Variants in TMEM18 observed in about 807,000 individuals in gnomAD.
The protein encoded by TMEM18 is transmembrane protein 18.
TMEM18 carries 14 observed loss-of-function variants against 17.4 expected under a neutral mutation model. The observed-to-expected ratio is 0.80, with a 90% CI of 0.53 to 1.25. TMEM18 has a LOEUF of 1.25. TMEM18 is among the 50% of genes most tolerant of loss of function. TMEM18 has a pLI of 0.00. For synonymous variants in TMEM18, 86 were observed against 66.1 expected, an observed-to-expected ratio of 1.30 and a Z score of -1.46; for missense variants, 187 against 172.1, an observed-to-expected ratio of 1.09 and a Z score of -0.48.
chr2:671,129 T>A (rs928988814), intron 3 of TMEM18, among the ~76,000 whole-genome samples: 1 of 152,030 alleles, frequency 6.6e-6, no homozygotes, highest in Non-Finnish European at 1.5e-5. Context: ...TTTGAGATGT[T>A]TGTTAGACGT....
chr2:675,850 A>T, intron 1 of TMEM18: 1 of 1,514,700 alleles, frequency 6.6e-7, no homozygotes, highest in African/African-American at 1.4e-5. Flanking sequence ...TTCTCCCCTC[A>T]GTGCAACTAT....
intron 1 of TMEM18, 192 bp downstream of exon 1, chr2:677,097 A>AGC: frequency 1.7e-6 from 1 of 588,698 alleles, no homozygotes; most frequent in Non-Finnish European, 2.8e-6. Context: ...CCCCGCCCAC[A>AGC]GCGCGCGCCC....
intron 2 of TMEM18, among the ~76,000 whole-genome samples, chr2:673,281 A>G (rs1374171282): frequency 6.6e-6 from 1 of 152,182 alleles, no homozygotes; most frequent in East Asian, 1.9e-4. Context: ...TCACGCTCAC[A>G]CTTCCCGGGC....
At chr2:673,919 T>C (rs1678928101) in intron 2 of TMEM18, among the ~76,000 whole-genome samples, 2 of 149,326 alleles carry the variant, frequency 1.3e-5, no homozygotes, top group African/African-American at 2.5e-5. Flanking sequence ...GGGAGGGTGG[T>C]AGGCACGGGA....
In TMEM18 at chr2:669,575, G is replaced by A; in HGVS notation, c.*5C>T. On this transcript the variant is annotated 3_prime_UTR_variant, in exon 5 of 5. Transcript: ENST00000281017. The stretch of plus-strand genomic sequence containing the variant: ...AGGACGCAAACTCCAAGCAGCTGCT[G>A]CCCCTCAGTCTTCTTTCCTTCTCCT... The A allele has an allele frequency of 6.2e-7, 1 of 1,614,082 alleles. No individual in the cohort carries two copies.
chr2:676,934 A>AGCCCGG (rs1659261813), intron 1 of TMEM18: 1 of 464,604 alleles, frequency 2.2e-6, no homozygotes, highest in Non-Finnish European at 3.8e-6. Flanking sequence ...GCCCAGCCCA[A>AGCCCGG]GCCCGGGCCA....
intron 2 of TMEM18, among the ~76,000 whole-genome samples, chr2:673,862 G>A (rs898348238): frequency 6.6e-6 from 1 of 151,780 alleles, no homozygotes; most frequent in Non-Finnish European, 1.5e-5. Context: ...GGTGGGCATG[G>A]GTGCGGGGAG....
intron 1 of TMEM18, 181 bp from the exon 2 acceptor site, chr2:675,811 G>T: frequency 6.5e-7 from 1 of 1,530,312 alleles, no homozygotes; most frequent in Non-Finnish European, 8.7e-7. Context: ...ACAGGAAAGG[G>T]AGAAGGAACC....
chr2:672,741 C>T (rs562894186), intron 3 of TMEM18, 67 bp downstream of exon 3: 377 of 1,352,922 alleles, frequency 2.8e-4, no homozygotes, highest in Admixed American at 3.6e-4. Flanking sequence ...CGAGTCCCAC[C>T]GGCTGTGGGG....
intron 2 of TMEM18, among the ~76,000 whole-genome samples, chr2:674,846 G>A (rs566562509): frequency 7.9e-5 from 12 of 152,212 alleles, no homozygotes; most frequent in Non-Finnish European, 1.5e-4. Flanking sequence ...ACACGTGTTC[G>A]TAACGCTCAG....
At chr2:675,447 G>A in intron 2 of TMEM18, 63 bp downstream of exon 2, 1 of 1,610,268 alleles carries the variant, frequency 6.2e-7, no homozygotes, top group Non-Finnish European at 8.5e-7. Context: ...GACACAGACA[G>A]AACATACACA....
At position 664,301 on chromosome 2, in the gene TMEM18, T is replaced by C. The variant is rs973030919; in HGVS notation, c.*5279A>G. On this transcript the variant is annotated 3_prime_UTR_variant, in exon 5 of 5. Coordinates refer to ENST00000281017, the MANE Select transcript of TMEM18 (RefSeq NM_152834.4). Reference sequence around the variant, plus strand: ...GAGGTGGAACCTCAGCTCTTCACAGTTCCTGATGATACATAAAGCAAAAAA... The same window carrying C: ...GAGGTGGAACCTCAGCTCTTCACAGCTCCTGATGATACATAAAGCAAAAAA... Among the ~76,000 whole-genome samples, 2 of 152,222 alleles carry C rather than the reference T, an allele frequency of 1.3e-5. No homozygotes were observed. The highest frequency in any genetic ancestry group is 2.4e-5 in the African/African-American group (1 of 41,446).
At position 672,801 on chromosome 2, in the gene TMEM18, G is replaced by C; in HGVS notation, c.233+7C>G. 2 of 1,466,734 alleles carry C rather than the reference G, an allele frequency of 1.4e-6. No homozygotes were observed. The highest frequency in any genetic ancestry group is 1.8e-6 in the Non-Finnish European group (2 of 1,111,636). The allele number at this position is 1,466,734 out of a possible 1,614,324, so 90.9% of individuals were successfully genotyped here. On this transcript the variant is annotated splice_region_variant and intron_variant, in intron 3 of 4. Transcript: ENST00000281017. Reference sequence around the variant, plus strand: ...GGACCTGGTCACAGGCCCGGGGGTGGGCTCACCTCCAGTTCATCGCAGCCG... The same window carrying C: ...GGACCTGGTCACAGGCCCGGGGGTGCGCTCACCTCCAGTTCATCGCAGCCG...
chr2:676,194 TG>T, intron 1 of TMEM18: 1 of 1,358,982 alleles, frequency 7.4e-7, no homozygotes, highest in Non-Finnish European at 9.8e-7. Context: ...CTCCAGACAG[TG>T]CCGCACTCCG....
At position 677,395 on chromosome 2, in the gene TMEM18, G is replaced by A; in HGVS notation, c.-50C>T. On this transcript the variant is annotated 5_prime_UTR_variant, in exon 1 of 5. Transcript: ENST00000281017. ...GCAACCGCCGAACCCGGCCTGGCCAGAATCCACAGAGGAGGGCGCCAAATC... is the reference window on the plus strand; with the variant it reads ...GCAACCGCCGAACCCGGCCTGGCCAAAATCCACAGAGGAGGGCGCCAAATC... 6.3e-7 allele frequency: 1 copy of A among 1,596,842 alleles called. No individual in the cohort carries two copies. Among genetic ancestry groups the A allele is most frequent in the Non-Finnish European group, 8.5e-7 (1 of 1,173,044 alleles).
intron 2 of TMEM18, among the ~76,000 whole-genome samples, chr2:674,219 C>A (rs1159169565): frequency 6.6e-6 from 1 of 152,292 alleles, no homozygotes; most frequent in East Asian, 1.9e-4. Flanking sequence ...AAACATCAAA[C>A]CCTTTGTGCA....
chr2:675,412 T>G (rs1678970467), intron 2 of TMEM18, 98 bp downstream of exon 2: 2 of 1,558,294 alleles, frequency 1.3e-6, no homozygotes, highest in African/African-American at 1.4e-5. Context: ...TGGGAGGTCT[T>G]GTAAAAATAT....
At chr2:675,848 T>A in intron 1 of TMEM18, 2 of 1,514,982 alleles carry the variant, frequency 1.3e-6, no homozygotes, top group Non-Finnish European at 1.8e-6. Context: ...GATTCTCCCC[T>A]CAGTGCAACT....
Position 665,964 on chromosome 2 carries a change from C to T in TMEM18, c.*3616G>A, listed in dbSNP as rs924344107. On this transcript the variant is annotated 3_prime_UTR_variant, in exon 5 of 5. Transcript: ENST00000281017. ...CCCACGCACACAAAACCCAGAGATG[C>T]GGATGCCCAGCTCACTCGGATGGAG... is the stretch of plus-strand genomic sequence containing the variant. 1.3e-5 allele frequency among the ~76,000 whole-genome samples: 2 copies of T among 151,968 alleles called. No homozygotes were observed. The highest frequency in any genetic ancestry group is 2.1e-4 in the South Asian group (1 of 4,806).
Sources: allele counts gnomAD v4.1 joint callset (sites outside exome capture counted in the v4.1 genomes callset), GRCh38; gene constraint gnomAD v4.1.1; transcripts MANE v1.5; gene names NCBI Gene and HGNC (gene_info 2026-07-23, HGNC 2026-07-21).